Variants in PSMG2 observed in about 807,000 individuals in gnomAD.
The protein encoded by PSMG2 is proteasome assembly chaperone 2, also known as CD40 ligand-activated specific transcript 3.
PSMG2 carries 21 observed loss-of-function variants against 31.5 expected under a neutral mutation model. The ratio of observed to expected loss-of-function variants is 0.67; its 90% confidence interval spans 0.47 to 0.96. The LOEUF is 0.96. PSMG2 is among the 40% of genes least tolerant of loss of function. PSMG2 has a pLI of 0.00. For missense variants in PSMG2, 318 were observed against 321.2 expected (o/e 0.99, Z 0.08); for synonymous variants, 120 against 110.4 (o/e 1.09, Z -0.54).
chr18:12,680,756 CACAA>C (rs781753416), intron 1 of PSMG2: 8 of 1,613,660 alleles, frequency 5.0e-6, no homozygotes, highest in Admixed American at 1.7e-5. Context: ...TTGGTCCCAA[CACAA>C]ACAAAGGCTT....
At chr18:12,702,391 G>T, upstream of PSMG2, 1 of 934,232 alleles carries the variant, frequency 1.1e-6, no homozygotes, top group Non-Finnish European at 1.7e-6. Flanking sequence ...CTACAGTCCC[G>T]GCAAGCAGAT....
At chr18:12,663,260 TAAAAAC>T (rs2038735597) in intron 1 of PSMG2, among the ~76,000 whole-genome samples, 1 of 152,106 alleles carries the variant, frequency 6.6e-6, no homozygotes, top group Non-Finnish European at 1.5e-5. Context: ...AGTGGGAAAT[TAAAAAC>T]AAAATAAGGC....
intron 3 of PSMG2, among the ~76,000 whole-genome samples, chr18:12,716,480 A>G (rs1485305817): frequency 2.2e-5 from 3 of 138,310 alleles, no homozygotes; most frequent in Non-Finnish European, 3.0e-5. Flanking sequence ...TGCAAGCTCC[A>G]CCTCCTGGGT....
At chr18:12,689,914 G>C (rs2039689151) in intron 1 of PSMG2, among the ~76,000 whole-genome samples, 1 of 152,082 alleles carries the variant, frequency 6.6e-6, no homozygotes, top group Non-Finnish European at 1.5e-5. Context: ...TCAGCCTCCT[G>C]ACTAACTGGG....
At chr18:12,697,352 G>A in intron 1 of PSMG2, 1 of 1,613,510 alleles carries the variant, frequency 6.2e-7, no homozygotes, top group Non-Finnish European at 8.5e-7. Context: ...AGCACCATAT[G>A]AATTGGATCA....
chr18:12,671,556 CTT>C (rs1382887149), intron 1 of PSMG2, among the ~76,000 whole-genome samples: 1 of 149,418 alleles, frequency 6.7e-6, no homozygotes, highest in African/African-American at 2.5e-5. Flanking sequence ...AATTGCTACT[CTT>C]TTTAAAGTTT....
chr18:12,669,207 G>A (rs370777155), intron 1 of PSMG2, among the ~76,000 whole-genome samples: 3 of 151,454 alleles, frequency 2.0e-5, no homozygotes, highest in Admixed American at 6.6e-5. Flanking sequence ...CCACCTCCCA[G>A]ATTGAAGCGA....
At chr18:12,682,046 G>C (rs2039369724) in intron 1 of PSMG2, among the ~76,000 whole-genome samples, 1 of 151,828 alleles carries the variant, frequency 6.6e-6, no homozygotes. Context: ...TGTGTTCTGT[G>C]AAAAAAATTA....
chr18:12,717,471 G>A lies in PSMG2; in HGVS notation c.289-1046G>A, dbSNP rs1304977465. ...ACCTACTTGATCTCTCGCTATGCGC[G>A]TACACAGTTTCCTTCTTCGAAACAA... On this transcript the variant is annotated intron_variant, in intron 3 of 6. Transcript: ENST00000317615. 6.6e-5 allele frequency among the ~76,000 whole-genome samples: 10 copies of A among 152,284 alleles called. No homozygotes were observed. In the East Asian group the frequency reaches 1.2e-3, roughly 18 times the overall value.
intron 2 of PSMG2, among the ~76,000 whole-genome samples, chr18:12,709,396 G>A (rs979755751): frequency 1.1e-4 from 17 of 151,796 alleles, no homozygotes; most frequent in African/African-American, 4.1e-4. Context: ...GCGGGATCTC[G>A]GCTCACTGCA....
At chr18:12,676,571 G>C (rs2039144474) in intron 1 of PSMG2, among the ~76,000 whole-genome samples, 1 of 151,910 alleles carries the variant, frequency 6.6e-6, no homozygotes, top group South Asian at 2.1e-4. Flanking sequence ...CACTGTGCCT[G>C]GCCAAAAGTA....
At chr18:12,690,943 C>T (rs567747746) in intron 1 of PSMG2, among the ~76,000 whole-genome samples, 1 of 150,956 alleles carries the variant, frequency 6.6e-6, no homozygotes. Flanking sequence ...CCCAGAGCCC[C>T]CCCCCGTTCT....
chr18:12,659,464 C>G (rs1029328085), intron 1 of PSMG2, among the ~76,000 whole-genome samples: 3 of 152,108 alleles, frequency 2.0e-5, no homozygotes, highest in Admixed American at 1.3e-4. Context: ...GTCAGGAGTT[C>G]GAGACCAGCC....
At chr18:12,664,697 TC>T (rs1298527603) in intron 1 of PSMG2, among the ~76,000 whole-genome samples, 3 of 148,912 alleles carry the variant, frequency 2.0e-5, no homozygotes, top group Non-Finnish European at 4.4e-5. Flanking sequence ...TTTGTCCTGA[TC>T]TTTTTTTTTT....
intron 1 of PSMG2, among the ~76,000 whole-genome samples, chr18:12,693,739 C>T (rs1308128143): frequency 1.3e-5 from 2 of 152,030 alleles, no homozygotes; most frequent in Non-Finnish European, 2.9e-5. Context: ...GCCAAGATTG[C>T]GCCACTGCAC....
chr18:12,709,591 C>T lies in PSMG2; in HGVS notation c.229+2870C>T, dbSNP rs547709554. On this transcript the variant is annotated intron_variant, in intron 2 of 6. Coordinates refer to ENST00000317615, the MANE Select transcript of PSMG2 (RefSeq NM_020232.5). ...TTGGTTCACTGCAACCTCCACCTCC[C>T]GGGTTCAAGCAATTCTCTTGCCTCA... is the stretch of plus-strand genomic sequence containing the variant. 2.3e-3 allele frequency among the ~76,000 whole-genome samples: 350 copies of T among 152,114 alleles called. 3 individuals carry two copies. Among genetic ancestry groups the T allele is most frequent in the South Asian group, 0.014 (69 of 4,816 alleles).
intron 1 of PSMG2, among the ~76,000 whole-genome samples, chr18:12,664,704 T>G (rs1032232499): frequency 1.3e-5 from 2 of 151,368 alleles, no homozygotes; most frequent in African/African-American, 4.8e-5. Flanking sequence ...TGATCTTTTT[T>G]TTTTTTTTTT....
chr18:12,689,303 G>T (rs1297619551), intron 1 of PSMG2, among the ~76,000 whole-genome samples: 1 of 152,160 alleles, frequency 6.6e-6, no homozygotes, highest in African/African-American at 2.4e-5. Flanking sequence ...CAGTTCTGAG[G>T]AATCTAAATT....
At chr18:12,699,056 C>T (rs766046312), upstream of PSMG2, 29 of 1,613,868 alleles carry the variant, frequency 1.8e-5, no homozygotes, top group Middle Eastern at 3.3e-4. Context: ...AGGTTTAGAA[C>T]GAAAACGTTG....
Sources: gnomAD v4.1 joint callset for allele counts (sites outside exome capture counted in the v4.1 genomes callset) on GRCh38, gnomAD v4.1.1 for gene constraint, MANE v1.5 for transcripts, NCBI Gene and HGNC (gene_info 2026-07-23, HGNC 2026-07-21) for gene names.